The following HOXB1 variants were observed in gnomAD, a reference collection of about 807,000 sequenced individuals.
HOXB1 encodes the protein homeobox B1.
In HOXB1, 13 loss-of-function variants were observed where a neutral mutation model predicts 26.9. The ratio of observed to expected loss-of-function variants is 0.48; its 90% CI spans 0.31 to 0.77. HOXB1 has a LOEUF of 0.77. HOXB1 is among the 30% of genes least tolerant of loss of function. The pLI, the probability that HOXB1 is intolerant of heterozygous loss-of-function variation, is 0.04. For synonymous variants in HOXB1, 168 were observed against 170.8 expected (o/e 0.98, Z 0.13); for missense variants, 366 against 403.6 (o/e 0.91, Z 0.80).
Position 48,530,984 on chromosome 17 carries a change from G to A in HOXB1, c.-80C>T. ...CAACCTTTCGGCAGTATGTCACAGCGCTGGGGCTCGAATCCATGGCCTGAC... is the reference window on the plus strand; with the variant it reads ...CAACCTTTCGGCAGTATGTCACAGCACTGGGGCTCGAATCCATGGCCTGAC... On this transcript the variant is annotated 5_prime_UTR_variant, in exon 1 of 2. Transcript: ENST00000239174. This position sits in a 1 kb window ranked among gnomAD's most constrained non-coding sequence, Gnocchi z 6.2. 5.8e-6 allele frequency: 6 copies of A among 1,028,792 alleles called. No homozygotes were observed. Among genetic ancestry groups the A allele is most frequent in the Non-Finnish European group, 8.4e-6 (6 of 713,688 alleles). The allele number at this position is 1,028,792 out of a possible 1,614,324, so 63.7% of individuals were successfully genotyped here.
rs1025852175 is a variant in HOXB1, at chr17:48,530,602, C to T, written c.303G>A (p.Leu101=). The change falls in exon 1 of 2, where the codon CTG becomes CTA. Residue 101 remains leucine (L), a synonymous_variant. Coordinates refer to ENST00000239174, the MANE Select transcript of HOXB1 (RefSeq NM_002144.4). The surrounding 1 kb of genome is among the most constrained non-coding windows in gnomAD (Gnocchi z 6.2). ...PSYGPSQYYP[L]GQSEGDGGYF... is the part of the protein sequence containing the mutation. ...AGCCTCCGTCTCCTTCTGATTGACC[C>T]AGAGGGTAGTACTGAGAAGGCCCGT... The T allele has an allele frequency of 2.5e-6, 4 of 1,613,948 alleles. No individual in the cohort carries two copies. In the African/African-American group the frequency reaches 4.0e-5, roughly 16 times the overall value.
At position 48,529,094 on chromosome 17, in the gene HOXB1, A is replaced by G. The variant is rs1358726655; in HGVS notation, c.*453T>C. On this transcript the variant is annotated 3_prime_UTR_variant, in exon 2 of 2. Transcript: ENST00000239174. ...ATGGCTGCACCCAAACACCTCCCAC[A>G]CAAGAAAATTTAAGGTTCTGTGTCA... 1 of 154,344 alleles carries G rather than the reference A, an allele frequency of 6.5e-6. No homozygotes were observed. The highest frequency in any genetic ancestry group is 1.4e-5 in the Non-Finnish European group (1 of 69,642). 9.6% of individuals were successfully genotyped at this position (154,344 alleles called of 1,614,324 possible).
chr17:48,529,942 T>G, intron 1 of HOXB1, 67 bp from the exon 2 acceptor site: 1 of 1,380,174 alleles, frequency 7.2e-7, no homozygotes, highest in East Asian at 2.3e-5. Flanking sequence ...GCTTCCCTCC[T>G]CCCGGGGCTG....
In HOXB1 at chr17:48,530,511, C is replaced by T. The variant is rs1304170421; in HGVS notation, c.394G>A (p.Ala132Thr). The T allele has an allele frequency of 1.9e-6, 3 of 1,614,064 alleles. No homozygotes were observed. The highest frequency in any genetic ancestry group is 2.5e-6 in the Non-Finnish European group (3 of 1,179,948). ...TGCGGAGGATATGGCCCCGGACCGG[C>T]TCCACCTGCTCCGTAGCCATCGGAC... ...GLSDGYGAGG[A>T]GPGPYPPQHP... Residue 132 changes from alanine (A) to threonine (T), a missense_variant, in exon 1 of 2, where the codon GCC (alanine) becomes ACC (threonine). By Grantham distance (58) the Ala-to-Thr change is moderately conservative. Transcript: ENST00000239174. This position sits in a 1 kb window ranked among gnomAD's most constrained non-coding sequence, Gnocchi z 6.2.
chr17:48,529,910 T>C (rs775049573), intron 1 of HOXB1, 35 bp from the exon 2 acceptor site: 20 of 1,491,708 alleles, frequency 1.3e-5, no homozygotes, highest in Middle Eastern at 1.8e-4. Flanking sequence ...CCAGGTCAAT[T>C]CTCTCACCTC....
chr17:48,529,598 G>C lies in HOXB1; in HGVS notation c.855C>G (p.Asp285Glu). The C allele has an allele frequency of 1.9e-6, 3 of 1,577,028 alleles. No individual in the cohort carries two copies. The highest frequency in any genetic ancestry group is 2.6e-6 in the Non-Finnish European group (3 of 1,158,418). Residue 285 changes from aspartate to glutamate, a missense_variant, in exon 2 of 2, where the codon GAC (aspartate) becomes GAG (glutamate). Physicochemically the swap from Asp to Glu is conservative, Grantham distance 45. Transcript: ENST00000239174. ...CPKEAAGDAS[D>E]QSTCTSPEAS... ...CTTCCGGGGAGGTGCATGTCGACTG[G>C]TCTGAGGCATCTCCAGCTGCCTCCT...
Position 48,530,592 on chromosome 17 carries a change from C to T in HOXB1, c.313G>A (p.Glu105Lys). The T allele has an allele frequency of 6.2e-7, 1 of 1,614,096 alleles. No homozygotes were observed. The stretch of plus-strand genomic sequence containing the variant: ...GGATGAAAATAGCCTCCGTCTCCTT[C>T]TGATTGACCCAGAGGGTAGTACTGA... ...PSQYYPLGQS[E>K]GDGGYFHPSS... is the part of the protein sequence containing the mutation. The change falls in exon 1 of 2, where the codon GAA (glutamate) becomes AAA (lysine). Residue 105 changes from glutamate (E) to lysine (K), a missense_variant. Glu to Lys is a moderately conservative substitution (Grantham distance 56). Coordinates refer to ENST00000239174, the MANE Select transcript of HOXB1 (RefSeq NM_002144.4). This position sits in a 1 kb window ranked among gnomAD's most constrained non-coding sequence, Gnocchi z 6.2.
intron 1 of HOXB1, 75 bp from the exon 2 acceptor site, chr17:48,529,950 C>T (rs1333839369): frequency 1.5e-6 from 2 of 1,330,892 alleles, no homozygotes; most frequent in Non-Finnish European, 2.1e-6. Flanking sequence ...CCTCCCGGGG[C>T]TGGCTCTGGA....
chr17:48,530,962 C>T lies in HOXB1; in HGVS notation c.-58G>A. On this transcript the variant is annotated 5_prime_UTR_variant, in exon 1 of 2. Coordinates refer to ENST00000239174, the MANE Select transcript of HOXB1 (RefSeq NM_002144.4). The surrounding 1 kb of genome is among the most constrained non-coding windows in gnomAD (Gnocchi z 6.2). ...GGGGAGACACCCTCTTGCCCTACAA[C>T]CTTTCGGCAGTATGTCACAGCGCTG... The T allele has an allele frequency of 1.6e-6, 2 of 1,274,408 alleles. No homozygotes were observed. The highest frequency in any genetic ancestry group is 2.2e-6 in the Non-Finnish European group (2 of 927,098). The allele number at this position is 1,274,408 out of a possible 1,614,324, so 78.9% of individuals were successfully genotyped here.
chr17:48,530,816 G>A lies in HOXB1; in HGVS notation c.89C>T (p.Ser30Phe). The stretch of plus-strand genomic sequence containing the variant: ...CGCCTGAGCCGAGCTTGGGGGAAAG[G>A]AGGTTGGGGCGCTGTGGGCGCTGTA... ...SAYSAHSAPT[S>F]FPPSSAQAVD... The change falls in exon 1 of 2, where the codon TCC becomes TTC. Residue 30 changes from serine (S) to phenylalanine (F), a missense_variant. Physicochemically the swap from Ser to Phe is radical, Grantham distance 155 (BLOSUM62 -2). Transcript: ENST00000239174. This position sits in a 1 kb window ranked among gnomAD's most constrained non-coding sequence, Gnocchi z 6.2. 6.3e-7 allele frequency: 1 copy of A among 1,598,672 alleles called. No homozygotes were observed. The highest frequency in any genetic ancestry group is 8.5e-7 in the Non-Finnish European group (1 of 1,173,256).
At position 48,529,871 on chromosome 17, in the gene HOXB1, C is replaced by A; in HGVS notation, c.582G>T (p.Lys194Asn). 6.3e-7 allele frequency: 1 copy of A among 1,576,488 alleles called. No individual in the cohort carries two copies. The highest frequency in any genetic ancestry group is 8.6e-7 in the Non-Finnish European group (1 of 1,163,436). Residue 194 changes from lysine to asparagine, a missense_variant, in exon 2 of 2, where the codon AAG (lysine) becomes AAT (asparagine). Physicochemically the swap from Lys to Asn is moderately conservative, Grantham distance 94. Coordinates refer to ENST00000239174, the MANE Select transcript of HOXB1 (RefSeq NM_002144.4). ...KVKRNPPKTA[K>N]VSEPGLGSPS... The stretch of plus-strand genomic sequence containing the variant: ...GCGAGCCCAGGCCTGGCTCTGACAC[C>A]TTCGCTAGGGGCGGGGCAGGGAGAA...
chr17:48,530,747 G>A lies in HOXB1; in HGVS notation c.158C>T (p.Ser53Phe), dbSNP rs1489587559. ...GGAGTTCTGCTGAAACGCAGGGCTGGACAGCCCCCCACCGTAGCGGCCCTC... is the reference window on the plus strand; with the variant it reads ...GGAGTTCTGCTGAAACGCAGGGCTGAACAGCCCCCCACCGTAGCGGCCCTC... ...ASEGRYGGGL[S>F]SPAFQQNSGY... The change falls in exon 1 of 2, where the codon TCC becomes TTC. Residue 53 changes from serine (S) to phenylalanine (F), a missense_variant. Ser to Phe is a radical substitution (Grantham distance 155). Coordinates refer to ENST00000239174, the MANE Select transcript of HOXB1 (RefSeq NM_002144.4). The surrounding 1 kb of genome is among the most constrained non-coding windows in gnomAD (Gnocchi z 6.2). 1 of 1,611,114 alleles carries A rather than the reference G, an allele frequency of 6.2e-7. No individual in the cohort carries two copies. Among genetic ancestry groups the A allele is most frequent in the East Asian group, 2.2e-5 (1 of 44,868 alleles).
In HOXB1 at chr17:48,528,918, A is replaced by T. The variant is rs2068413963; in HGVS notation, c.*629T>A. 6.6e-6 allele frequency: 1 copy of T among 152,232 alleles called. No homozygotes were observed. Among genetic ancestry groups the T allele is most frequent in the African/African-American group, 2.4e-5 (1 of 41,424 alleles). 9.4% of individuals were successfully genotyped at this position (152,232 alleles called of 1,614,324 possible). On this transcript the variant is annotated 3_prime_UTR_variant, in exon 2 of 2. Coordinates refer to ENST00000239174, the MANE Select transcript of HOXB1 (RefSeq NM_002144.4). ...CTGGTGTGAGGAGGCAGGTCTCAGA[A>T]AACAACCTCTGAAGGCTGCATTAGT...
rs1567932867 is a variant in HOXB1 at position 48,530,801 on chromosome 17, G to A, written c.104C>T (p.Ser35Leu). The A allele has an allele frequency of 2.5e-6, 4 of 1,603,950 alleles. No homozygotes were observed. Among genetic ancestry groups the A allele is most frequent in the South Asian group, 2.2e-5 (2 of 89,102 alleles). ...HSAPTSFPPS[S>L]AQAVDSYASE... Reference sequence around the variant, plus strand: ...TGCATAGCTGTCAACCGCCTGAGCCGAGCTTGGGGGAAAGGAGGTTGGGGC... The same window carrying A: ...TGCATAGCTGTCAACCGCCTGAGCCAAGCTTGGGGGAAAGGAGGTTGGGGC... The change falls in exon 1 of 2, where the codon TCG (serine) becomes TTG (leucine). Residue 35 changes from serine to leucine, a missense_variant. Physicochemically the swap from Ser to Leu is moderately radical, Grantham distance 145. Transcript: ENST00000239174. This position sits in a 1 kb window ranked among gnomAD's most constrained non-coding sequence, Gnocchi z 6.2.
In HOXB1 at chr17:48,529,834, GGAGGCCACTGGGC is replaced by G; in HGVS notation, c.606_618del (p.Pro203AlafsTer9). 6.3e-7 allele frequency: 1 copy of G among 1,597,646 alleles called. No homozygotes were observed. Among genetic ancestry groups the G allele is most frequent in the Non-Finnish European group, 8.5e-7 (1 of 1,177,556 alleles). ...AGCTGCCTTGTGGTGAAGTTGGTGCGGAGGCCACTGGGCGAGCCCAGGCCTGGCTCTGACACCT... is the reference window on the plus strand; with the variant it reads ...AGCTGCCTTGTGGTGAAGTTGGTGCGGAGCCCAGGCCTGGCTCTGACACCT... On this transcript the variant is annotated frameshift_variant, in exon 2 of 2. Transcript: ENST00000239174. LOFTEE classifies it high-confidence loss of function.
In HOXB1 at chr17:48,530,668, G is replaced by T; in HGVS notation, c.237C>A (p.Ser79=). ...CGGCAGGAGCATACCCCGAGGGCGC[G>T]GAGCTGGGGAAGGGCACCCCCAGGG... is the stretch of plus-strand genomic sequence containing the variant. The part of the protein sequence containing the change: ...PSTLGVPFPS[S]APSGYAPAAC... The change falls in exon 1 of 2, where the codon TCC becomes TCA. Residue 79 remains serine (S), a synonymous_variant. Transcript: ENST00000239174. The surrounding 1 kb of genome is among the most constrained non-coding windows in gnomAD (Gnocchi z 6.2). 1 of 1,613,514 alleles carries T rather than the reference G, an allele frequency of 6.2e-7. No individual in the cohort carries two copies. The highest frequency in any genetic ancestry group is 8.5e-7 in the Non-Finnish European group (1 of 1,179,894).
Position 48,529,570 on chromosome 17 carries a change from A to T in HOXB1, c.883T>A (p.Ser295Thr). The part of the protein sequence containing the change: ...DQSTCTSPEA[S>T]PSSVTS ...GTTCAGGAGGTGACAGAGCTGGGTG[A>T]GGCTTCCGGGGAGGTGCATGTCGAC... is the stretch of plus-strand genomic sequence containing the variant. Residue 295 changes from serine to threonine, a missense_variant, in exon 2 of 2, where the codon TCA (serine) becomes ACA (threonine). Coordinates refer to ENST00000239174, the MANE Select transcript of HOXB1 (RefSeq NM_002144.4). 6.5e-7 allele frequency: 1 copy of T among 1,533,488 alleles called. No individual in the cohort carries two copies. The highest frequency in any genetic ancestry group is 8.8e-7 in the Non-Finnish European group (1 of 1,138,612). 95.0% of individuals were successfully genotyped at this position (1,533,488 alleles called of 1,614,324 possible).
rs1008667115 is a variant in HOXB1 at position 48,530,553 on chromosome 17, C to G, written c.352G>C (p.Ala118Pro). Residue 118 changes from alanine to proline, a missense_variant, in exon 1 of 2, where the codon GCC (alanine) becomes CCC (proline). Coordinates refer to ENST00000239174, the MANE Select transcript of HOXB1 (RefSeq NM_002144.4). This position sits in a 1 kb window ranked among gnomAD's most constrained non-coding sequence, Gnocchi z 6.2. ...GGYFHPSSYG[A>P]QLGGLSDGYG... Reference sequence around the variant, plus strand: ...CCATCGGACAAGCCCCCTAGCTGGGCCCCGTAGCTCGAGGGATGAAAATAG... The same window carrying G: ...CCATCGGACAAGCCCCCTAGCTGGGGCCCGTAGCTCGAGGGATGAAAATAG... The G allele has an allele frequency of 1.2e-6, 2 of 1,614,134 alleles. No individual in the cohort carries two copies. The highest frequency in any genetic ancestry group is 2.2e-5 in the East Asian group (1 of 44,868).
In HOXB1 at chr17:48,528,899, TGA is replaced by T; in HGVS notation, c.*646_*647del. On this transcript the variant is annotated 3_prime_UTR_variant, in exon 2 of 2. Transcript: ENST00000239174. ...TGACATAGTGATGAGGTCGCTGGTG[TGA>T]GGAGGCAGGTCTCAGAAAACAACCT... 6.6e-6 allele frequency: 1 copy of T among 152,038 alleles called. No homozygotes were observed. Among genetic ancestry groups the T allele is most frequent in the East Asian group, 1.9e-4 (1 of 5,180 alleles). The allele number at this position is 152,038 out of a possible 1,614,324, so 9.4% of individuals were successfully genotyped here.
Sources: allele counts gnomAD v4.1 joint callset, GRCh38; gene constraint gnomAD v4.1.1; non-coding constraint Gnocchi (gnomAD v3.1); transcripts MANE v1.5; gene names NCBI Gene and HGNC (gene_info 2026-07-23, HGNC 2026-07-21).